TSGA10: variants seen among roughly 807,000 people sequenced by gnomAD.
The protein encoded by TSGA10 is testis-specific gene 10 protein.
Under a neutral mutation model 96.6 loss-of-function variants are expected in TSGA10, and 43 were observed. The observed-to-expected ratio is 0.44, with a 90% CI of 0.35 to 0.57. The LOEUF is 0.57. TSGA10 is among the 20% of genes least tolerant of loss of function. TSGA10 has a pLI of 0.01. For missense variants in TSGA10, 703 were observed against 834.4 expected (o/e 0.84, Z 1.94); for synonymous variants, 229 against 269.9 (o/e 0.85, Z 1.48).
chr2:99,069,395 T>C (rs990940236), intron 14 of TSGA10, among the ~76,000 whole-genome samples: 1 of 152,150 alleles, frequency 6.6e-6, no homozygotes, highest in Non-Finnish European at 1.5e-5. Context: ...TCTGGTGATG[T>C]ATCAAGAGAC....
chr2:99,127,376 C>T lies in TSGA10; in HGVS notation c.-620-200G>A, dbSNP rs146944680. On this transcript the variant is annotated intron_variant, in intron 1 of 20. Coordinates refer to ENST00000393483, the MANE Select transcript of TSGA10 (RefSeq NM_025244.4). ...TGTGTGTTGTCCAAATGGTACTGAA[C>T]ATGCTTTTCAAAGACATTCCCTACA... 5.9e-5 allele frequency among the ~76,000 whole-genome samples: 9 copies of T among 152,032 alleles called. No homozygotes were observed. In the East Asian group the frequency reaches 1.7e-3, roughly 29 times the overall value.
intron 15 of TSGA10, among the ~76,000 whole-genome samples, chr2:99,067,782 G>T (rs893791097): frequency 3.3e-4 from 50 of 152,028 alleles, no homozygotes; most frequent in African/African-American, 1.2e-3. Flanking sequence ...GGGAGGCAAA[G>T]GTTGCAGTGA....
At chr2:99,014,849 C>G (rs552940834) in intron 20 of TSGA10, among the ~76,000 whole-genome samples, 1 of 152,168 alleles carries the variant, frequency 6.6e-6, no homozygotes, top group Non-Finnish European at 1.5e-5. Flanking sequence ...TCATTCGAGG[C>G]TACTATGAAC....
intron 13 of TSGA10, 114 bp downstream of exon 13, chr2:99,072,904 A>G: frequency 1.5e-6 from 1 of 651,544 alleles, no homozygotes; most frequent in East Asian, 2.8e-5. Context: ...CTTTGATGAG[A>G]GAGTTAGCAC....
intron 1 of TSGA10, among the ~76,000 whole-genome samples, chr2:99,152,151 A>G (rs1422868389): frequency 6.6e-6 from 1 of 152,236 alleles, no homozygotes; most frequent in Non-Finnish European, 1.5e-5. Context: ...TAAAATAGCC[A>G]GTGCCTTGTA....
At chr2:99,109,310 T>C (rs2091620051) in intron 6 of TSGA10, 79 bp downstream of exon 6, 1 of 1,469,566 alleles carries the variant, frequency 6.8e-7, no homozygotes, top group Non-Finnish European at 9.5e-7. Context: ...CAAATTATTT[T>C]CAAATTAGGT....
intron 4 of TSGA10, among the ~76,000 whole-genome samples, chr2:99,115,827 C>T (rs564973314): frequency 3.5e-4 from 54 of 152,190 alleles, no homozygotes; most frequent in African/African-American, 1.3e-3. Context: ...TGCAGTGAGC[C>T]GAGATCGCGC....
chr2:99,096,378 C>T (rs1361937890), intron 10 of TSGA10, among the ~76,000 whole-genome samples: 1 of 152,200 alleles, frequency 6.6e-6, no homozygotes, highest in Admixed American at 6.5e-5. Flanking sequence ...CATGAAACAT[C>T]TCGGAGAGTT....
Position 99,035,340 on chromosome 2 carries a change from C to T in TSGA10, c.1504G>A (p.Val502Met). 1 of 1,613,380 alleles carries T rather than the reference C, an allele frequency of 6.2e-7. No individual in the cohort carries two copies. The highest frequency in any genetic ancestry group is 1.1e-5 in the South Asian group (1 of 91,004). ...EELQKVQFEK[V>M]SALADLSSTR... is the part of the protein sequence containing the mutation. ...GAAGACAAATCTGCAAGAGCGGACA[C>T]TTTTTCAAACTGAACCTTCTGAAGC... The change falls in exon 17 of 21, where the codon GTG becomes ATG. Residue 502 changes from valine (V) to methionine (M), a missense_variant. Around this residue, in one of 3 missense-constraint regions of TSGA10, gnomAD observed 585 missense variants for 656.8 expected, o/e 0.89. Transcript: ENST00000393483.
chr2:99,088,268 A>C (rs554377461), intron 10 of TSGA10, among the ~76,000 whole-genome samples: 10 of 152,352 alleles, frequency 6.6e-5, no homozygotes, highest in African/African-American at 2.4e-4. Context: ...GAGAGACCAC[A>C]TTCACATGAC....
At chr2:99,123,211 T>C (rs1266761154) in intron 2 of TSGA10, among the ~76,000 whole-genome samples, 2 of 152,210 alleles carry the variant, frequency 1.3e-5, no homozygotes, top group African/African-American at 4.8e-5. Flanking sequence ...GGCATGCATT[T>C]CTTTGGGTGA....
chr2:99,073,410 C>A (rs2086217098), intron 12 of TSGA10, among the ~76,000 whole-genome samples: 3 of 152,130 alleles, frequency 2.0e-5, no homozygotes, highest in African/African-American at 7.2e-5. Context: ...AATGGTTTGG[C>A]ATTGGAGTAT....
chr2:99,051,676 A>G (rs905759689), intron 16 of TSGA10, among the ~76,000 whole-genome samples: 3 of 152,150 alleles, frequency 2.0e-5, no homozygotes, highest in Non-Finnish European at 4.4e-5. Context: ...AGTAGAATAC[A>G]TATTTTTTTC....
At chr2:99,140,971 G>T in intron 1 of TSGA10, 2 of 775,534 alleles carry the variant, frequency 2.6e-6, no homozygotes, top group Non-Finnish European at 1.7e-6. Context: ...GCCCAACTCC[G>T]CCCGCCACGG....
intron 2 of TSGA10, among the ~76,000 whole-genome samples, chr2:99,119,539 A>C (rs1266856144): frequency 6.6e-6 from 1 of 152,182 alleles, no homozygotes; most frequent in Non-Finnish European, 1.5e-5. Flanking sequence ...AAATGTACAC[A>C]CTTGAAATTG....
intron 1 of TSGA10, among the ~76,000 whole-genome samples, chr2:99,130,782 C>A (rs2093041060): frequency 6.6e-6 from 1 of 152,132 alleles, no homozygotes; most frequent in Non-Finnish European, 1.5e-5. Flanking sequence ...TTTAATACAT[C>A]TTGAGTTAAT....
chr2:99,108,814 T>C lies in TSGA10; in HGVS notation c.210+19A>G. 6.6e-7 allele frequency: 1 copy of C among 1,507,012 alleles called. No individual in the cohort carries two copies. The highest frequency in any genetic ancestry group is 2.3e-5 in the East Asian group (1 of 42,994). The allele number at this position is 1,507,012 out of a possible 1,614,324, so 93.4% of individuals were successfully genotyped here. ...AACTCAATGTTATTACTTATATAAT[T>C]TGTTTTTTGTAAGTTTACCTGTTCA... On this transcript the variant is annotated intron_variant, in intron 7 of 20. Transcript: ENST00000393483.
intron 11 of TSGA10, among the ~76,000 whole-genome samples, chr2:99,080,547 T>C (rs1439914790): frequency 6.6e-6 from 1 of 152,200 alleles, no homozygotes; most frequent in Non-Finnish European, 1.5e-5. Context: ...TTACCTTAGA[T>C]CTTTATTGGG....
intron 7 of TSGA10, 73 bp downstream of exon 7, chr2:99,108,760 A>G (rs6542864): frequency 0.64 from 726,724 of 1,132,618 alleles, 236,309 homozygotes; most frequent in East Asian, 0.89. Context: ...CAGTCTCATA[A>G]AACTCAAAGA....
Sources: allele counts gnomAD v4.1 joint callset (sites outside exome capture counted in the v4.1 genomes callset), GRCh38; gene constraint gnomAD v4.1.1; regional missense constraint gnomAD v4.1.1; transcripts MANE v1.5; gene names NCBI Gene and HGNC (gene_info 2026-07-23, HGNC 2026-07-21).